The following NKAIN3 variants were observed in gnomAD, a reference collection of about 807,000 sequenced individuals.
The protein encoded by NKAIN3 is sodium/potassium-transporting ATPase subunit beta-1-interacting protein 3.
Under a neutral mutation model 30.2 loss-of-function variants are expected in NKAIN3, and 25 were observed. The ratio of observed to expected loss-of-function variants is 0.83; its 90% CI spans 0.60 to 1.16. NKAIN3 has a LOEUF of 1.16. Ranked by LOEUF, NKAIN3 falls within the 50% of genes most tolerant of loss-of-function variation. NKAIN3 has a pLI of 0.00. For synonymous variants in NKAIN3, 91 were observed against 89.6 expected, an observed-to-expected ratio of 1.02 and a Z score of -0.09; for missense variants, 225 against 254.1, an observed-to-expected ratio of 0.89 and a Z score of 0.78.
rs553782415 is a variant in NKAIN3, at chr8:62,895,948, C to G, written c.472-22505C>G. 1.5e-4 allele frequency among the ~76,000 whole-genome samples: 23 copies of G among 151,456 alleles called. No individual in the cohort carries two copies. The South Asian group carries it at 4.4e-3, about 29-fold the overall frequency. ...TTTCTAATCATTAAAACCAAAAACT[C>G]TGAGAATTTATCACCATCCTGAAGC... On this transcript the variant is annotated intron_variant, in intron 4 of 6. Coordinates refer to ENST00000623646, the MANE Select transcript of NKAIN3 (RefSeq NM_001304533.3).
chr8:62,927,001 A>T (rs1450021185), intron 5 of NKAIN3, among the ~76,000 whole-genome samples: 1 of 152,134 alleles, frequency 6.6e-6, no homozygotes, highest in Admixed American at 6.5e-5. Flanking sequence ...CAGCTTATAA[A>T]CAAAGTCACA....
chr8:62,764,176 T>A (rs1245250163), intron 4 of NKAIN3, among the ~76,000 whole-genome samples: 1 of 152,252 alleles, frequency 6.6e-6, no homozygotes, highest in Non-Finnish European at 1.5e-5. Context: ...GCAGTGCCTG[T>A]CCAAGATGGT....
intron 1 of NKAIN3, among the ~76,000 whole-genome samples, chr8:62,424,103 G>T (rs1464120135): frequency 6.6e-6 from 1 of 151,890 alleles, no homozygotes; most frequent in Non-Finnish European, 1.5e-5. Flanking sequence ...GGAATAACTG[G>T]ATATCCACAT....
chr8:62,276,352 C>T (rs1812960888), intron 1 of NKAIN3, among the ~76,000 whole-genome samples: 1 of 152,176 alleles, frequency 6.6e-6, no homozygotes, highest in African/African-American at 2.4e-5. Flanking sequence ...AGGAGTGAGC[C>T]ACTGCGCCCA....
intron 3 of NKAIN3, among the ~76,000 whole-genome samples, chr8:62,642,396 T>C (rs1385510309): frequency 2.0e-5 from 3 of 152,136 alleles, no homozygotes; most frequent in Admixed American, 6.6e-5. Flanking sequence ...TAACACATTC[T>C]CACACCTATA....
chr8:62,699,046 A>G (rs1196338972), intron 3 of NKAIN3, among the ~76,000 whole-genome samples: 1 of 152,230 alleles, frequency 6.6e-6, no homozygotes, highest in Non-Finnish European at 1.5e-5. Context: ...TCATAGAAAT[A>G]AATTCGGATA....
At chr8:62,751,331 T>G (rs1009222834) in intron 4 of NKAIN3, among the ~76,000 whole-genome samples, 1 of 152,226 alleles carries the variant, frequency 6.6e-6, no homozygotes, top group Non-Finnish European at 1.5e-5. Flanking sequence ...ATACATATAC[T>G]TGGTTCGAAA....
chr8:62,454,416 G>C (rs1439213419), intron 1 of NKAIN3, among the ~76,000 whole-genome samples: 2 of 151,842 alleles, frequency 1.3e-5, no homozygotes, highest in East Asian at 1.9e-4. Flanking sequence ...TGTGGGCCGT[G>C]GGTTGGATTG....
chr8:62,441,442 G>A (rs1235609858), intron 1 of NKAIN3, among the ~76,000 whole-genome samples: 2 of 151,800 alleles, frequency 1.3e-5, no homozygotes, highest in South Asian at 2.1e-4. Context: ...ACTAAAGCTT[G>A]AAAATCTAAA....
In NKAIN3 at chr8:62,579,535, G is replaced by A. The variant is rs1461231514; in HGVS notation, c.55-4G>A. 1.3e-6 allele frequency: 2 copies of A among 1,592,800 alleles called. No individual in the cohort carries two copies. The highest frequency in any genetic ancestry group is 1.4e-5 in the African/African-American group (1 of 73,268). On this transcript the variant is annotated splice_polypyrimidine_tract_variant and splice_region_variant and intron_variant, in intron 1 of 6. Coordinates refer to ENST00000623646, the MANE Select transcript of NKAIN3 (RefSeq NM_001304533.3). ...TGCTAATGAACTTTCTTTTTTTGTT[G>A]TAGGTCTCAGCATTAGAGAGGCAGA...
At chr8:62,608,710 A>G (rs1315926155) in intron 3 of NKAIN3, among the ~76,000 whole-genome samples, 2 of 152,220 alleles carry the variant, frequency 1.3e-5, no homozygotes, top group Admixed American at 6.5e-5. Flanking sequence ...ACTTTCTTAT[A>G]GAAGTCACAA....
intron 4 of NKAIN3, among the ~76,000 whole-genome samples, chr8:62,751,272 TC>T (rs1563545629): frequency 6.6e-6 from 1 of 151,940 alleles, no homozygotes; most frequent in Non-Finnish European, 1.5e-5. Flanking sequence ...GCAGACATCT[TC>T]CCCCAAAACA....
intron 6 of NKAIN3, among the ~76,000 whole-genome samples, chr8:62,956,692 A>T (rs1198005871): frequency 6.6e-6 from 1 of 152,216 alleles, no homozygotes; most frequent in African/African-American, 2.4e-5. Context: ...GATTACATCA[A>T]TCAGTTTAAT....
chr8:62,517,938 A>C (rs1209924909), intron 1 of NKAIN3, among the ~76,000 whole-genome samples: 1 of 152,138 alleles, frequency 6.6e-6, no homozygotes, highest in Non-Finnish European at 1.5e-5. Flanking sequence ...ATATATATAT[A>C]TCTATATCTT....
chr8:62,472,491 C>G (rs1344603902), intron 1 of NKAIN3, among the ~76,000 whole-genome samples: 1 of 152,118 alleles, frequency 6.6e-6, no homozygotes, highest in Non-Finnish European at 1.5e-5. Flanking sequence ...AAGTACTTGG[C>G]ACCTCAATAA....
intron 1 of NKAIN3, among the ~76,000 whole-genome samples, chr8:62,481,972 T>A (rs1806736442): frequency 6.6e-6 from 1 of 152,168 alleles, no homozygotes; most frequent in Non-Finnish European, 1.5e-5. Context: ...ATGCAGCCCA[T>A]AATGCAGCTG....
chr8:62,470,562 A>C (rs1170121456), intron 1 of NKAIN3, among the ~76,000 whole-genome samples: 1 of 152,142 alleles, frequency 6.6e-6, no homozygotes, highest in South Asian at 2.1e-4. Context: ...AAATTAAGTC[A>C]ACATTTTCAC....
intron 4 of NKAIN3, among the ~76,000 whole-genome samples, chr8:62,815,164 A>C (rs963166749): frequency 2.0e-5 from 3 of 152,216 alleles, no homozygotes; most frequent in African/African-American, 7.2e-5. Flanking sequence ...CCCAAGACTA[A>C]ACCAGGAAGA....
At position 62,984,901 on chromosome 8, in the gene NKAIN3, A is replaced by G. The variant is rs1824172115; in HGVS notation, c.*19494A>G. 6.6e-6 allele frequency: 1 copy of G among 152,244 alleles called. No individual in the cohort carries two copies. Among genetic ancestry groups the G allele is most frequent in the African/African-American group, 2.4e-5 (1 of 41,466 alleles). 9.4% of individuals were successfully genotyped at this position (152,244 alleles called of 1,614,324 possible). A position where few individuals can be genotyped will look rare whatever the true frequency, so the allele number is the denominator to read the frequency against. ...TATGAATAAAAATGTACACTGAAGT[A>G]CAAGATGACTACTGTTTTTAATACA... On this transcript the variant is annotated 3_prime_UTR_variant, in exon 7 of 7. Coordinates refer to ENST00000623646, the MANE Select transcript of NKAIN3 (RefSeq NM_001304533.3).
Sources: allele counts gnomAD v4.1 joint callset (sites outside exome capture counted in the v4.1 genomes callset), GRCh38; gene constraint gnomAD v4.1.1; transcripts MANE v1.5; gene names NCBI Gene and HGNC (gene_info 2026-07-23, HGNC 2026-07-21).